VOPP1: variants seen among roughly 807,000 people sequenced by gnomAD.
The protein encoded by VOPP1 is VOPP1 WW domain binding protein, also known as WW domain binding protein VOPP1.
In VOPP1, 8 loss-of-function variants were observed where a neutral mutation model predicts 23.5. That is an observed-to-expected ratio of 0.34 (90% CI 0.20 to 0.61). The LOEUF (loss-of-function observed/expected upper bound fraction) is 0.61. Ranked by LOEUF, VOPP1 falls within the 20% of genes least tolerant of loss-of-function variation. The pLI is 0.78. For synonymous variants in VOPP1, 83 were observed against 97.3 expected, an observed-to-expected ratio of 0.85 and a Z score of 0.86; for missense variants, 174 against 238.1, an observed-to-expected ratio of 0.73 and a Z score of 1.77.
At chr7:55,470,311 G>A (rs946780607), downstream of VOPP1, among the ~76,000 whole-genome samples, 1 of 152,228 alleles carries the variant, frequency 6.6e-6, no homozygotes. Context: ...ACCAAGCAGA[G>A]CTGTGTTTTA....
chr7:55,459,076 T>C (rs1791437931), intron 4 of VOPP1, among the ~76,000 whole-genome samples: 1 of 152,076 alleles, frequency 6.6e-6, no homozygotes, highest in South Asian at 2.1e-4. Flanking sequence ...GTTGAGAGTT[T>C]TTTTTTATCA....
intron 4 of VOPP1, among the ~76,000 whole-genome samples, chr7:55,488,535 C>T (rs1020843375): frequency 6.6e-6 from 1 of 152,144 alleles, no homozygotes; most frequent in African/African-American, 2.4e-5. Flanking sequence ...CCCCCAGGAC[C>T]ACAATGCTGC....
At chr7:55,482,482 ATTTTTTTT>A (rs71031859) in intron 4 of VOPP1, among the ~76,000 whole-genome samples, 43,242 of 132,862 alleles carry the variant, frequency 0.33, 7,012 homozygotes, top group Non-Finnish European at 0.4. Flanking sequence ...CACCTGGCTA[ATTTTTTTT>A]TTTTTTTTTT....
chr7:55,484,463 T>G (rs1469354819), intron 4 of VOPP1, among the ~76,000 whole-genome samples: 2 of 152,106 alleles, frequency 1.3e-5, no homozygotes, highest in Non-Finnish European at 2.9e-5. Context: ...TGAGCAGCAG[T>G]GCAGGCTGGA....
chr7:55,554,835 A>G (rs892986034), intron 1 of VOPP1, among the ~76,000 whole-genome samples: 2 of 152,216 alleles, frequency 1.3e-5, no homozygotes, highest in Non-Finnish European at 2.9e-5. Context: ...AACAACTGTC[A>G]TTGAAGATTT....
At chr7:55,542,167 C>T (rs1797161744) in intron 1 of VOPP1, among the ~76,000 whole-genome samples, 1 of 152,098 alleles carries the variant, frequency 6.6e-6, no homozygotes, top group Non-Finnish European at 1.5e-5. Context: ...TTATGGGCTA[C>T]ACATGACATT....
intron 1 of VOPP1, among the ~76,000 whole-genome samples, chr7:55,562,853 G>A (rs996296498): frequency 6.6e-6 from 1 of 152,130 alleles, no homozygotes; most frequent in Non-Finnish European, 1.5e-5. Context: ...GTCAACGCAC[G>A]CCTTGCATCT....
At chr7:55,454,041 T>C (rs1791307443) in intron 4 of VOPP1, among the ~76,000 whole-genome samples, 1 of 152,192 alleles carries the variant, frequency 6.6e-6, no homozygotes, top group African/African-American at 2.4e-5. Context: ...TTTTAAAATT[T>C]TGTTAATAGA....
At chr7:55,497,033 G>A (rs934365089) in intron 3 of VOPP1, among the ~76,000 whole-genome samples, 4 of 152,202 alleles carry the variant, frequency 2.6e-5, no homozygotes, top group African/African-American at 7.2e-5. Flanking sequence ...CAGGCGTCCT[G>A]AGGCTCCCGC....
At chr7:55,464,085 T>C (rs1583818725) in intron 4 of VOPP1, among the ~76,000 whole-genome samples, 1 of 152,108 alleles carries the variant, frequency 6.6e-6, no homozygotes, top group African/African-American at 2.4e-5. Flanking sequence ...CTGTGGTGGG[T>C]TGAACAGGTT....
intron 1 of VOPP1, among the ~76,000 whole-genome samples, chr7:55,532,633 C>T (rs191349662): frequency 6.6e-6 from 1 of 150,802 alleles, no homozygotes; most frequent in Non-Finnish European, 1.5e-5. Flanking sequence ...TAGTTACAAC[C>T]ACCAGCTTGG....
intron 1 of VOPP1, among the ~76,000 whole-genome samples, chr7:55,525,189 T>C (rs906343633): frequency 3.9e-5 from 6 of 152,024 alleles, no homozygotes; most frequent in Admixed American, 2.6e-4. Flanking sequence ...CTCTCCTCGT[T>C]TGTAAGAGTA....
chr7:55,545,628 G>T (rs932275109), intron 1 of VOPP1, among the ~76,000 whole-genome samples: 3 of 152,154 alleles, frequency 2.0e-5, no homozygotes, highest in African/African-American at 7.2e-5. Flanking sequence ...CACAGCTTGC[G>T]GGCCACACTG....
At chr7:55,555,336 G>A (rs938484545) in intron 1 of VOPP1, among the ~76,000 whole-genome samples, 16 of 152,124 alleles carry the variant, frequency 1.1e-4, no homozygotes, top group Admixed American at 4.6e-4. Flanking sequence ...CATGACAATC[G>A]CTCACTTTCA....
At chr7:55,482,922 T>C (rs1792850742) in intron 4 of VOPP1, among the ~76,000 whole-genome samples, 1 of 152,218 alleles carries the variant, frequency 6.6e-6, no homozygotes, top group Non-Finnish European at 1.5e-5. Flanking sequence ...CTGCTGCTGA[T>C]TTTTTAAAAA....
intron 4 of VOPP1, among the ~76,000 whole-genome samples, chr7:55,473,995 T>C (rs955671610): frequency 2.0e-5 from 3 of 152,220 alleles, no homozygotes; most frequent in Admixed American, 6.5e-5. Flanking sequence ...GTACACAAGA[T>C]GTCCCAAAGC....
At chr7:55,529,811 T>C (rs1447209872) in intron 1 of VOPP1, among the ~76,000 whole-genome samples, 3 of 152,234 alleles carry the variant, frequency 2.0e-5, no homozygotes, top group Non-Finnish European at 4.4e-5. Context: ...GCCTTTGCTA[T>C]AAGGTTCAAT....
intron 3 of VOPP1, among the ~76,000 whole-genome samples, chr7:55,493,391 C>T (rs12535731): frequency 0.16 from 23,986 of 152,220 alleles, 2,445 homozygotes; most frequent in Admixed American, 0.28. Flanking sequence ...CACAGCAGAG[C>T]GGGTCGCAGT....
chr7:55,509,158 G>A (rs745434438), intron 2 of VOPP1, among the ~76,000 whole-genome samples: 1 of 152,194 alleles, frequency 6.6e-6, no homozygotes, highest in Admixed American at 6.5e-5. Flanking sequence ...AGGGAGATGA[G>A]ATTCTAGTAC....
Sources: allele counts gnomAD v4.1 joint callset (sites outside exome capture counted in the v4.1 genomes callset), GRCh38; gene constraint gnomAD v4.1.1; transcripts MANE v1.5; gene names NCBI Gene and HGNC (gene_info 2026-07-23, HGNC 2026-07-21).